The following SV2C variants were observed in gnomAD, a reference collection of about 807,000 sequenced individuals.
SV2C encodes solute carrier family 22 member B3.
SV2C carries 49 observed loss-of-function variants against 79.7 expected under a neutral mutation model. That is an observed-to-expected ratio of 0.61 (90% CI 0.49 to 0.78). The LOEUF is 0.78. Ranked by LOEUF, SV2C falls within the 30% of genes least tolerant of loss-of-function variation. The pLI, the probability that SV2C is intolerant of heterozygous loss-of-function variation, is 0.00. For synonymous variants in SV2C, 334 were observed against 333.2 expected, an observed-to-expected ratio of 1.00 and a Z score of -0.03; for missense variants, 833 against 912.9, an observed-to-expected ratio of 0.91 and a Z score of 1.13.
intron 2 of SV2C, among the ~76,000 whole-genome samples, chr5:76,146,864 A>T (rs1749452522): frequency 1.3e-5 from 2 of 151,788 alleles, no homozygotes; most frequent in South Asian, 4.1e-4. Flanking sequence ...AACAAAAAAA[A>T]AGTTTTAAAA....
chr5:76,048,830 T>TTG, the SV2C span, among the ~76,000 whole-genome samples: 166 of 110,232 alleles, frequency 1.5e-3, 2 homozygotes, highest in East Asian at 5.6e-3. Context: ...AAAAAAATTT[T>TTG]GGGGCTGTTT....
At chr5:75,979,381 C>T in the SV2C span, among the ~76,000 whole-genome samples, 7 of 151,798 alleles carry the variant, frequency 4.6e-5, no homozygotes, top group Non-Finnish European at 1.0e-4. Flanking sequence ...ATCAAATGGA[C>T]CTGATGCCTA....
intron 4 of SV2C, among the ~76,000 whole-genome samples, chr5:76,268,245 G>C (rs1338294321): frequency 6.6e-6 from 1 of 152,162 alleles, no homozygotes; most frequent in East Asian, 1.9e-4. Context: ...GGAAGGGAAA[G>C]TGCAGCTGCA....
At chr5:76,266,567 A>T (rs930153194) in intron 4 of SV2C, among the ~76,000 whole-genome samples, 1 of 152,208 alleles carries the variant, frequency 6.6e-6, no homozygotes, top group African/African-American at 2.4e-5. Context: ...CAAACAGATG[A>T]ATACTGTATA....
chr5:75,998,853 A>G, the SV2C span, among the ~76,000 whole-genome samples: 3 of 152,194 alleles, frequency 2.0e-5, no homozygotes, highest in East Asian at 1.9e-4. Context: ...TCTATTGTAT[A>G]TATACACACA....
At chr5:76,213,072 T>C (rs1213802950) in intron 4 of SV2C, among the ~76,000 whole-genome samples, 1 of 152,216 alleles carries the variant, frequency 6.6e-6, no homozygotes, top group East Asian at 1.9e-4. Context: ...ACTTTTATGT[T>C]GACAACACCT....
chr5:75,995,107 A>G, the SV2C span, among the ~76,000 whole-genome samples: 1 of 152,104 alleles, frequency 6.6e-6, no homozygotes, highest in Non-Finnish European at 1.5e-5. Flanking sequence ...TAGGCCCTCA[A>G]AGGATTGGAT....
At chr5:76,213,999 C>T (rs1744843389) in intron 4 of SV2C, among the ~76,000 whole-genome samples, 2 of 152,148 alleles carry the variant, frequency 1.3e-5, no homozygotes, top group Admixed American at 6.6e-5. Flanking sequence ...TTTCACTTAA[C>T]ATAATGCCTT....
the SV2C span, among the ~76,000 whole-genome samples, chr5:76,027,797 T>C: frequency 6.6e-6 from 1 of 152,210 alleles, no homozygotes; most frequent in African/African-American, 2.4e-5. Flanking sequence ...TTAAATATTC[T>C]TCATTACTGA....
chr5:75,893,521 C>T, the SV2C span, among the ~76,000 whole-genome samples: 10 of 151,818 alleles, frequency 6.6e-5, no homozygotes, highest in Non-Finnish European at 1.0e-4. Flanking sequence ...TGCATGTTGT[C>T]GTAAGTGAGA....
At chr5:76,200,197 C>T (rs917358860) in intron 3 of SV2C, among the ~76,000 whole-genome samples, 4 of 152,218 alleles carry the variant, frequency 2.6e-5, no homozygotes, top group African/African-American at 7.2e-5. Context: ...GAATCCATCC[C>T]GTGCCTGATT....
intron 1 of SV2C, among the ~76,000 whole-genome samples, chr5:76,125,111 T>G (rs938099813): frequency 1.6e-4 from 25 of 152,234 alleles, no homozygotes; most frequent in Admixed American, 1.4e-3. Flanking sequence ...AAATTAACTG[T>G]GTCAAAATTG....
chr5:75,940,227 G>A, the SV2C span, among the ~76,000 whole-genome samples: 3 of 152,130 alleles, frequency 2.0e-5, no homozygotes, highest in South Asian at 2.1e-4. Context: ...AGCCAGGCAC[G>A]ATGGTGTTCA....
the SV2C span, among the ~76,000 whole-genome samples, chr5:75,999,253 T>C: frequency 3.4e-3 from 523 of 152,060 alleles, 3 homozygotes; most frequent in Non-Finnish European, 5.2e-3. Flanking sequence ...ACCATATCAA[T>C]TTGTATATAT....
At position 76,247,421 on chromosome 5, in the gene SV2C, C is replaced by T. The variant is rs189762896; in HGVS notation, c.913+37534C>T. ...TGTCACTCACTTAAAACCAACTTTC[C>T]CTTTCCATATCTAGGGATTGAAGTG... On this transcript the variant is annotated intron_variant, in intron 4 of 12. Transcript: ENST00000502798. 8.5e-5 allele frequency among the ~76,000 whole-genome samples: 13 copies of T among 152,332 alleles called. No homozygotes were observed. The East Asian group carries it at 2.5e-3, about 29-fold the overall frequency.
chr5:76,081,827 G>A (rs1252851667), upstream of SV2C: 1 of 152,272 alleles, frequency 6.6e-6, no homozygotes, highest in Non-Finnish European at 1.5e-5. Context: ...AATCGAACTG[G>A]AAAGCCCAAG....
At chr5:76,145,436 A>G (rs1749389822) in intron 2 of SV2C, among the ~76,000 whole-genome samples, 1 of 152,186 alleles carries the variant, frequency 6.6e-6, no homozygotes, top group Admixed American at 6.5e-5. Context: ...GGATTTTAAT[A>G]TTTAAATTTA....
At chr5:76,121,831 A>C (rs1003257304) in intron 1 of SV2C, among the ~76,000 whole-genome samples, 2 of 151,800 alleles carry the variant, frequency 1.3e-5, no homozygotes, top group Non-Finnish European at 2.9e-5. Context: ...CTTTTGGCTT[A>C]GGATTGACTT....
At chr5:75,900,111 T>C in the SV2C span, among the ~76,000 whole-genome samples, 1 of 152,204 alleles carries the variant, frequency 6.6e-6, no homozygotes, top group Non-Finnish European at 1.5e-5. Context: ...GTCATTATGA[T>C]GTTAGCCAGT....
Sources: allele counts gnomAD v4.1 joint callset (sites outside exome capture counted in the v4.1 genomes callset), GRCh38; gene constraint gnomAD v4.1.1; transcripts MANE v1.5; gene names NCBI Gene and HGNC (gene_info 2026-07-23, HGNC 2026-07-21).